The following HPSE2 variants were observed in gnomAD, a reference collection of about 807,000 sequenced individuals.
The protein encoded by HPSE2 is inactive heparanase-2.
In HPSE2, 38 loss-of-function variants were observed where a neutral mutation model predicts 60.5. That is an observed-to-expected ratio of 0.63 (90% confidence interval 0.48 to 0.82). HPSE2 has a LOEUF of 0.82. Among genes scored for constraint, HPSE2 ranks in the 40% least tolerant of loss-of-function variants. The pLI is 0.00. For synonymous variants in HPSE2, 295 were observed against 293.2 expected (o/e 1.01, Z -0.06); for missense variants, 713 against 740.4 (o/e 0.96, Z 0.43).
intron 6 of HPSE2, among the ~76,000 whole-genome samples, chr10:98,666,366 A>G (rs1947362348): frequency 6.6e-6 from 1 of 152,188 alleles, no homozygotes; most frequent in East Asian, 1.9e-4. Context: ...ACAGTGTTAG[A>G]TCATTGAGGC....
chr10:99,144,946 T>A (rs542501458), intron 2 of HPSE2, among the ~76,000 whole-genome samples: 15 of 152,210 alleles, frequency 9.9e-5, no homozygotes, highest in Non-Finnish European at 2.1e-4. Context: ...ATTTTTCATG[T>A]ACCTCGAGTA....
At chr10:99,067,553 T>C (rs1333549438) in intron 3 of HPSE2, among the ~76,000 whole-genome samples, 1 of 152,204 alleles carries the variant, frequency 6.6e-6, no homozygotes, top group African/African-American at 2.4e-5. Flanking sequence ...TGCCAAAGCT[T>C]AGGGCTTGTA....
chr10:98,855,211 G>C (rs1952281801), intron 3 of HPSE2, among the ~76,000 whole-genome samples: 1 of 152,204 alleles, frequency 6.6e-6, no homozygotes, highest in Non-Finnish European at 1.5e-5. Context: ...GTGGAGTATG[G>C]ACTAGTATGA....
At chr10:99,249,765 T>A in the HPSE2 span, among the ~76,000 whole-genome samples, 3 of 152,132 alleles carry the variant, frequency 2.0e-5, no homozygotes, top group Non-Finnish European at 4.4e-5. Flanking sequence ...AAAGGCCTGG[T>A]GAGAGATGAT....
At chr10:98,611,786 G>A (rs1455823992) in intron 9 of HPSE2, among the ~76,000 whole-genome samples, 2 of 152,154 alleles carry the variant, frequency 1.3e-5, no homozygotes, top group Non-Finnish European at 2.9e-5. Context: ...TAAAAAGAAA[G>A]CCTGCTACCT....
intron 2 of HPSE2, among the ~76,000 whole-genome samples, chr10:99,175,030 T>C (rs1018288953): frequency 1.3e-5 from 2 of 152,078 alleles, no homozygotes; most frequent in Non-Finnish European, 2.9e-5. Context: ...CTCCCTCCCC[T>C]AGCCAAGGGA....
intron 3 of HPSE2, among the ~76,000 whole-genome samples, chr10:99,026,874 T>C (rs998343225): frequency 1.6e-4 from 25 of 152,232 alleles, no homozygotes; most frequent in African/African-American, 5.5e-4. Flanking sequence ...GAATGATCAA[T>C]GGGTCAGTAA....
intron 2 of HPSE2, among the ~76,000 whole-genome samples, chr10:99,210,136 C>G (rs1848907179): frequency 6.6e-6 from 1 of 151,998 alleles, no homozygotes; most frequent in Non-Finnish European, 1.5e-5. Context: ...AGAAAACTAC[C>G]AAGAGCAGTT....
chr10:98,656,320 C>T (rs1218393323), intron 6 of HPSE2, among the ~76,000 whole-genome samples: 5 of 152,104 alleles, frequency 3.3e-5, no homozygotes, highest in Non-Finnish European at 5.9e-5. Flanking sequence ...CTCCTGACCT[C>T]GTGATCCACT....
chr10:98,623,343 G>C (rs1263695861), intron 7 of HPSE2, among the ~76,000 whole-genome samples: 6 of 152,060 alleles, frequency 3.9e-5, no homozygotes, highest in Admixed American at 6.6e-5. Context: ...AGATGGGAGG[G>C]GGAAAGGAGA....
chr10:99,184,786 T>TTTTATATATATATATATATA (rs1431394305), intron 2 of HPSE2, among the ~76,000 whole-genome samples: 1 of 25,284 alleles, frequency 4.0e-5, no homozygotes, highest in African/African-American at 1.4e-4. Flanking sequence ...CTATCCAAAA[T>TTTTATATATATATATATATA]TATATATATA....
chr10:99,203,726 G>A (rs752096000), intron 2 of HPSE2, among the ~76,000 whole-genome samples: 25 of 152,042 alleles, frequency 1.6e-4, no homozygotes, highest in South Asian at 2.1e-4. Flanking sequence ...TGAACCAACC[G>A]CCAGGCTGGC....
At chr10:98,759,151 A>T (rs946952550) in intron 3 of HPSE2, among the ~76,000 whole-genome samples, 5 of 148,450 alleles carry the variant, frequency 3.4e-5, no homozygotes, top group Non-Finnish European at 7.5e-5. Flanking sequence ...ACATGGACAC[A>T]AAGAAGGGAA....
Position 98,998,130 on chromosome 10 carries a change from A to AAAAGGTCTTTCAATTCAAAATTGAT in HPSE2, c.610+146107_610+146108insATCAATTTTGAATTGAAAGACCTTT, listed in dbSNP as rs1296290560. 1.6e-4 allele frequency among the ~76,000 whole-genome samples: 24 copies of AAAAGGTCTTTCAATTCAAAATTGAT among 152,356 alleles called. 1 individual carries two copies. The South Asian group carries it at 4.1e-3, about 26-fold the overall frequency. ...ACAAGTTTAGCTGTGCTGAAATTTG[A>AAAAGGTCTTTCAATTCAAAATTGAT]AAAGGTCTTTATCTTCATGTCAGAA... is the stretch of plus-strand genomic sequence containing the variant. On this transcript the variant is annotated intron_variant, in intron 3 of 11. Coordinates refer to ENST00000370552, the MANE Select transcript of HPSE2 (RefSeq NM_021828.5).
chr10:99,173,546 TTTTA>T lies in HPSE2; in HGVS notation c.449-29151_449-29148del, dbSNP rs1847399643. Among the ~76,000 whole-genome samples, 3 of 152,138 alleles carry T rather than the reference TTTTA, an allele frequency of 2.0e-5. No homozygotes were observed. The South Asian group carries it at 6.2e-4, about 32-fold the overall frequency. ...ATTTTATTTGAGGAACTTTAGTAAA[TTTTA>T]TTTGTGATACAAATTAGATCTGAAA... On this transcript the variant is annotated intron_variant, in intron 2 of 11. Coordinates refer to ENST00000370552, the MANE Select transcript of HPSE2 (RefSeq NM_021828.5).
At chr10:98,827,238 C>T (rs1951571294) in intron 3 of HPSE2, among the ~76,000 whole-genome samples, 1 of 152,084 alleles carries the variant, frequency 6.6e-6, no homozygotes, top group Non-Finnish European at 1.5e-5. Context: ...CGGAGTCTTG[C>T]TCTGTCGCCC....
At chr10:99,268,811 G>A in the HPSE2 span, among the ~76,000 whole-genome samples, 1 of 152,092 alleles carries the variant, frequency 6.6e-6, no homozygotes, top group Non-Finnish European at 1.5e-5. Context: ...TAACATTGAA[G>A]GTAAATGGCC....
At chr10:99,190,990 T>C (rs537884093) in intron 2 of HPSE2, among the ~76,000 whole-genome samples, 1 of 152,200 alleles carries the variant, frequency 6.6e-6, no homozygotes, top group South Asian at 2.1e-4. Context: ...AGCCAGGCAG[T>C]ACTCACAGCA....
chr10:99,042,920 A>C (rs966047325), intron 3 of HPSE2, among the ~76,000 whole-genome samples: 1 of 152,204 alleles, frequency 6.6e-6, no homozygotes, highest in Non-Finnish European at 1.5e-5. Flanking sequence ...ACTGGATCAC[A>C]GTCCAAACAA....
Sources: allele counts gnomAD v4.1 joint callset (sites outside exome capture counted in the v4.1 genomes callset), GRCh38; gene constraint gnomAD v4.1.1; transcripts MANE v1.5; gene names NCBI Gene and HGNC (gene_info 2026-07-23, HGNC 2026-07-21).